The following WWP2 variants were observed in gnomAD, a reference collection of about 807,000 sequenced individuals.
WWP2 encodes WW domain containing E3 ubiquitin protein ligase 2.
WWP2 carries 57 observed loss-of-function variants against 121.0 expected under a neutral mutation model. The ratio of observed to expected loss-of-function variants is 0.47; its 90% CI spans 0.38 to 0.59. The LOEUF (loss-of-function observed/expected upper bound fraction) is 0.59. WWP2 is among the 20% of genes least tolerant of loss of function. WWP2 has a pLI of 0.00. For synonymous variants in WWP2, 449 were observed against 441.3 expected (o/e 1.02, Z -0.22); for missense variants, 962 against 1,158.9 (o/e 0.83, Z 2.47).
At chr16:69,873,861 T>G (rs1469769769) in intron 7 of WWP2, among the ~76,000 whole-genome samples, 4 of 152,228 alleles carry the variant, frequency 2.6e-5, no homozygotes, top group Non-Finnish European at 5.9e-5. Context: ...GAATTGATTT[T>G]CTTTGGTGAT....
intron 16 of WWP2, 91 bp downstream of exon 16, chr16:69,931,981 A>G (rs1029888130): frequency 1.6e-6 from 2 of 1,234,572 alleles, no homozygotes; most frequent in Non-Finnish European, 2.3e-6. Flanking sequence ...CCCTGCTCAC[A>G]TTCCCTCCCA....
chr16:69,894,996 C>G (rs1047201408), intron 8 of WWP2: 1 of 152,200 alleles, frequency 6.6e-6, no homozygotes, highest in Admixed American at 6.5e-5. Flanking sequence ...TTGGCTGCCC[C>G]GTCTGTTTCC....
chr16:69,939,198 T>A (rs976229339), intron 22 of WWP2, 75 bp downstream of exon 22: 7 of 1,560,092 alleles, frequency 4.5e-6, no homozygotes, highest in Non-Finnish European at 6.1e-6. Context: ...ACCTAGTCTC[T>A]TCCTGGAAGC....
chr16:69,929,870 A>G (rs751964806), intron 12 of WWP2, among the ~76,000 whole-genome samples: 40 of 152,342 alleles, frequency 2.6e-4, no homozygotes, highest in Middle Eastern at 3.4e-3. Context: ...GTGCTGGGGC[A>G]CAGGGTGCCT....
At chr16:69,881,611 A>G (rs1027614922) in intron 7 of WWP2, among the ~76,000 whole-genome samples, 7 of 152,382 alleles carry the variant, frequency 4.6e-5, no homozygotes, top group African/African-American at 1.4e-4. Flanking sequence ...GGTGAAGACC[A>G]TACTATCTTT....
intron 8 of WWP2, among the ~76,000 whole-genome samples, chr16:69,903,013 C>T (rs911010646): frequency 6.6e-6 from 1 of 151,968 alleles, no homozygotes; most frequent in Non-Finnish European, 1.5e-5. Context: ...GGTCCAACTG[C>T]AAAAGGAAAA....
At chr16:69,932,248 G>A (rs1027361776) in intron 16 of WWP2, among the ~76,000 whole-genome samples, 2 of 152,376 alleles carry the variant, frequency 1.3e-5, no homozygotes, top group Admixed American at 1.3e-4. Context: ...AGAATCGCTT[G>A]AACCTGGGAG....
At chr16:69,928,943 A>T (rs2058674400) in intron 11 of WWP2, among the ~76,000 whole-genome samples, 1 of 152,122 alleles carries the variant, frequency 6.6e-6, no homozygotes, top group Non-Finnish European at 1.5e-5. Flanking sequence ...CAGAGCACTG[A>T]TCAGAGAGGT....
intron 1 of WWP2, among the ~76,000 whole-genome samples, chr16:69,762,868 T>G (rs2151760013): frequency 6.6e-6 from 1 of 152,290 alleles, no homozygotes; most frequent in Admixed American, 6.5e-5. Flanking sequence ...GAAATGATTG[T>G]TACCCGAGAC....
At chr16:69,798,347 A>C (rs1038414111) in intron 2 of WWP2, among the ~76,000 whole-genome samples, 3 of 152,226 alleles carry the variant, frequency 2.0e-5, no homozygotes, top group African/African-American at 4.8e-5. Context: ...GCAGTCATTT[A>C]AGAGTGACTT....
At chr16:69,847,628 G>C (rs1377261046) in intron 6 of WWP2, among the ~76,000 whole-genome samples, 1 of 151,286 alleles carries the variant, frequency 6.6e-6, no homozygotes, top group Admixed American at 6.6e-5. Context: ...GGCTGGTCTC[G>C]AACTCCCGAC....
At position 69,934,062 on chromosome 16, in the gene WWP2, A is replaced by C. The variant is rs1597185294; in HGVS notation, c.1775A>C (p.Asn592Thr). ...AAGAACAATTACTGCCTGCAGATCAACCCCGCCTCCTCCATCAACCCGGAC... is the reference window on the plus strand; with the variant it reads ...AAGAACAATTACTGCCTGCAGATCACCCCCGCCTCCTCCATCAACCCGGAC... ...AGKNNYCLQINPASSINPDHL... is the reference protein window; with the variant it reads ...AGKNNYCLQITPASSINPDHL... The change falls in exon 17 of 24, where the codon AAC becomes ACC. Residue 592 changes from asparagine (N) to threonine (T), a missense_variant. Physicochemically the swap from Asn to Thr is moderately conservative, Grantham distance 65. Coordinates refer to ENST00000359154, the MANE Select transcript of WWP2 (RefSeq NM_001270454.2). 6.2e-7 allele frequency: 1 copy of C among 1,613,952 alleles called. No individual in the cohort carries two copies.
At chr16:69,858,841 G>A (rs2057366509) in intron 6 of WWP2, among the ~76,000 whole-genome samples, 1 of 152,156 alleles carries the variant, frequency 6.6e-6, no homozygotes, top group Non-Finnish European at 1.5e-5. Flanking sequence ...AAATTCCCAA[G>A]TGATTATTGA....
At chr16:69,879,456 C>T (rs1426892368) in intron 7 of WWP2, among the ~76,000 whole-genome samples, 1 of 152,066 alleles carries the variant, frequency 6.6e-6, no homozygotes, top group African/African-American at 2.4e-5. Flanking sequence ...ATTCTAGATA[C>T]CTCATATAAG....
intron 8 of WWP2, among the ~76,000 whole-genome samples, chr16:69,906,788 G>C (rs914582567): frequency 6.6e-6 from 1 of 152,080 alleles, no homozygotes; most frequent in Non-Finnish European, 1.5e-5. Context: ...GCTGAGGCAG[G>C]GGTATCACTT....
At chr16:69,762,882 G>A (rs537798445) in intron 1 of WWP2, among the ~76,000 whole-genome samples, 47 of 152,246 alleles carry the variant, frequency 3.1e-4, no homozygotes, top group Non-Finnish European at 6.0e-4. Context: ...CCGAGACTTT[G>A]ATGACGGTCC....
At chr16:69,874,720 T>G (rs1023449665) in intron 7 of WWP2, among the ~76,000 whole-genome samples, 3 of 152,114 alleles carry the variant, frequency 2.0e-5, no homozygotes, top group African/African-American at 7.2e-5. Context: ...ACCCCCAAAT[T>G]TTACATATTT....
At chr16:69,807,512 G>A (rs138547366) in intron 4 of WWP2, among the ~76,000 whole-genome samples, 3 of 150,758 alleles carry the variant, frequency 2.0e-5, no homozygotes, top group South Asian at 2.1e-4. Flanking sequence ...CCAGCTACTC[G>A]GGAGGCTGAG....
At chr16:69,782,410 G>A (rs2055683171) in intron 1 of WWP2, among the ~76,000 whole-genome samples, 1 of 152,174 alleles carries the variant, frequency 6.6e-6, no homozygotes, top group African/African-American at 2.4e-5. Flanking sequence ...GAAGGCTCAG[G>A]TGGGGCAGGA....
Sources: allele counts gnomAD v4.1 joint callset (sites outside exome capture counted in the v4.1 genomes callset), GRCh38; gene constraint gnomAD v4.1.1; transcripts MANE v1.5; gene names NCBI Gene and HGNC (gene_info 2026-07-23, HGNC 2026-07-21).